TENM2: variants seen among roughly 807,000 people sequenced by gnomAD.
TENM2 encodes the protein teneurin-2.
In TENM2, 52 loss-of-function variants were observed where a neutral mutation model predicts 245.2. The ratio of observed to expected loss-of-function variants is 0.21; its 90% CI spans 0.17 to 0.27. TENM2 has a LOEUF of 0.27. Ranked by LOEUF, TENM2 falls within the 10% of genes least tolerant of loss-of-function variation. TENM2 has a pLI of 1.00. For missense variants in TENM2, 3,046 were observed against 3,666.8 expected (o/e 0.83, Z 4.37); for synonymous variants, 1,363 against 1,438.9 (o/e 0.95, Z 1.19).
At chr5:168,228,182 T>C (rs1475245661) in intron 25 of TENM2, 52 bp downstream of exon 27, 5 of 1,415,716 alleles carry the variant, frequency 3.5e-6, no homozygotes, top group Non-Finnish European at 5.0e-6. Context: ...GATATACACT[T>C]TCCTCACAGA....
chr5:167,961,644 G>A (rs773755641), intron 4 of TENM2, among the ~76,000 whole-genome samples: 23 of 152,226 alleles, frequency 1.5e-4, no homozygotes, highest in Middle Eastern at 3.4e-3. Context: ...AATGCTTTAC[G>A]TGCATTATCT....
intron 3 of TENM2, among the ~76,000 whole-genome samples, chr5:167,900,027 C>G (rs561485488): frequency 6.8e-6 from 1 of 146,638 alleles, no homozygotes; most frequent in Non-Finnish European, 1.5e-5. Flanking sequence ...CTGGATGATG[C>G]CAGGAAAAAT....
chr5:168,069,937 T>G (rs1421180822), intron 7 of TENM2, among the ~76,000 whole-genome samples: 1 of 152,014 alleles, frequency 6.6e-6, no homozygotes, highest in Non-Finnish European at 1.5e-5. Context: ...CAGAGAAAAT[T>G]AACAAAGAAG....
intron 3 of TENM2, among the ~76,000 whole-genome samples, chr5:167,886,400 C>T (rs1583282446): frequency 6.6e-6 from 1 of 152,114 alleles, no homozygotes; most frequent in Non-Finnish European, 1.5e-5. Context: ...GTAATGTAAA[C>T]ATTGAATAAT....
chr5:168,204,283 T>G, intron 18 of TENM2, 89 bp from the exon 21 acceptor site: 1 of 1,405,898 alleles, frequency 7.1e-7, no homozygotes, highest in Non-Finnish European at 9.6e-7. Context: ...AGATTCCTAA[T>G]TTGTCTCTTC....
At chr5:168,214,806 G>A (rs926163040) in intron 20 of TENM2, 4 of 615,046 alleles carry the variant, frequency 6.5e-6, no homozygotes, top group Non-Finnish European at 1.2e-5. Flanking sequence ...CAGTTGTTTA[G>A]CATGGTGGGA....
intron 2 of TENM2, 80 bp downstream of exon 4, chr5:167,375,553 A>G: frequency 1.4e-6 from 2 of 1,394,012 alleles, no homozygotes; most frequent in South Asian, 2.6e-5. Flanking sequence ...TTTTTTAATG[A>G]AGCGGCGTCA....
At chr5:168,161,817 T>TACACACAC (rs113801768) in intron 12 of TENM2, among the ~76,000 whole-genome samples, 56,163 of 147,084 alleles carry the variant, frequency 0.38, 10,862 homozygotes, top group East Asian at 0.61. Context: ...AGCGCATGTA[T>TACACACAC]ACACACACAC....
intron 2 of TENM2, among the ~76,000 whole-genome samples, chr5:167,502,935 T>A (rs1582224271): frequency 6.6e-6 from 1 of 152,178 alleles, no homozygotes; most frequent in African/African-American, 2.4e-5. Context: ...GTTCAAGCAA[T>A]CCTCCTGTCT....
chr5:167,240,075 T>G, the TENM2 span, among the ~76,000 whole-genome samples: 165 of 152,328 alleles, frequency 1.1e-3, no homozygotes, highest in African/African-American at 3.4e-3. Context: ...TGCCCAGCCT[T>G]TTTTTAAATA....
At chr5:167,635,479 A>C (rs992713591) in intron 2 of TENM2, among the ~76,000 whole-genome samples, 9 of 152,042 alleles carry the variant, frequency 5.9e-5, no homozygotes, top group African/African-American at 1.9e-4. Context: ...GGTACCACTT[A>C]CAAAGTTAAA....
At chr5:167,465,832 AAAAG>A (rs1554160713) in intron 2 of TENM2, among the ~76,000 whole-genome samples, 69 of 151,654 alleles carry the variant, frequency 4.5e-4, no homozygotes, top group African/African-American at 1.5e-3. Context: ...CTGTCTCAAA[AAAAG>A]AAAGAAAGAA....
the TENM2 span, among the ~76,000 whole-genome samples, chr5:167,200,923 C>T: frequency 6.6e-6 from 1 of 152,046 alleles, no homozygotes; most frequent in Non-Finnish European, 1.5e-5. Context: ...CATTGAGTTC[C>T]AAGAACCATG....
exon 2 of TENM2, chr5:167,375,405 C>G: frequency 3.2e-6 from 5 of 1,551,668 alleles, no homozygotes; most frequent in Non-Finnish European, 4.4e-6. Context: ...TCCGGCCTGT[C>G]CAGTCGTGAA....
intron 1 of TENM2, among the ~76,000 whole-genome samples, chr5:167,367,207 G>C (rs943309576): frequency 6.6e-6 from 1 of 152,012 alleles, no homozygotes; most frequent in African/African-American, 2.4e-5. Context: ...TTTAGTATGT[G>C]TTTATTAACA....
chr5:168,065,492 G>A (rs916447635), intron 7 of TENM2, among the ~76,000 whole-genome samples: 1 of 152,130 alleles, frequency 6.6e-6, no homozygotes, highest in Non-Finnish European at 1.5e-5. Context: ...AACAACAAAG[G>A]TAAGATGGGA....
intron 3 of TENM2, among the ~76,000 whole-genome samples, chr5:167,911,255 G>T (rs189403628): frequency 1.6e-4 from 24 of 152,236 alleles, no homozygotes; most frequent in African/African-American, 5.5e-4. Context: ...GGCCGGGCAC[G>T]GTGGCTCACG....
intron 12 of TENM2, among the ~76,000 whole-genome samples, chr5:168,134,547 T>G (rs1315173715): frequency 6.6e-6 from 1 of 151,896 alleles, no homozygotes; most frequent in Non-Finnish European, 1.5e-5. Context: ...ATTAGCTGGG[T>G]GTGGTGGCGA....
At chr5:168,041,806 G>A (rs1175261358) in intron 5 of TENM2, among the ~76,000 whole-genome samples, 3 of 152,194 alleles carry the variant, frequency 2.0e-5, no homozygotes, top group African/African-American at 4.8e-5. Context: ...AATATATGCT[G>A]CATGCAAATA....
Sources: allele counts gnomAD v4.1 joint callset (sites outside exome capture counted in the v4.1 genomes callset), GRCh38; gene constraint gnomAD v4.1.1; transcripts MANE v1.5; gene names NCBI Gene and HGNC (gene_info 2026-07-23, HGNC 2026-07-21).